Variants in C4orf50 observed in about 807,000 individuals in gnomAD.
C4orf50 encodes chromosome 4 open reading frame 50.
C4orf50 carries 80 observed loss-of-function variants against 77.2 expected under a neutral mutation model. That is an observed-to-expected ratio of 1.04 (90% CI 0.87 to 1.25). The LOEUF (loss-of-function observed/expected upper bound fraction) is 1.25, where lower values mean the gene tolerates loss of function less well. C4orf50 is among the 50% of genes most tolerant of loss of function. The pLI, the probability that C4orf50 is intolerant of heterozygous loss-of-function variation, is 0.00. For missense variants in C4orf50, 1,257 were observed against 1,152.9 expected, an observed-to-expected ratio of 1.09 and a Z score of -1.31; for synonymous variants, 532 against 465.3, an observed-to-expected ratio of 1.14 and a Z score of -1.84.
Position 5,934,149 on chromosome 4 carries a change from G to C in C4orf50, c.*2474+22752C>G, listed in dbSNP as rs1469907044. 3.3e-5 allele frequency among the ~76,000 whole-genome samples: 5 copies of C among 152,042 alleles called. No homozygotes were observed. In the East Asian group the frequency reaches 9.7e-4, roughly 29 times the overall value. On this transcript the variant is annotated intron_variant, in intron 7 of 7. Transcript: ENST00000324058. ...TGCACCTCGGTCTCCTCATCTGTAA[G>C]AAGGGGTGAGCAGCTCACTGGATGG...
At chr4:5,964,351 G>A (rs1719433552) in intron 33 of C4orf50, among the ~76,000 whole-genome samples, 1 of 152,124 alleles carries the variant, frequency 6.6e-6, no homozygotes, top group Non-Finnish European at 1.5e-5. Context: ...TGTCGACTCA[G>A]CCTTGATGTG....
rs1719143636 is a variant in C4orf50 at position 5,959,390 on chromosome 4, CA to C, written c.4511del (p.Leu1504ArgfsTer3). The C allele has an allele frequency of 1.2e-6, 2 of 1,613,948 alleles. No individual in the cohort carries two copies. Among genetic ancestry groups the C allele is most frequent in the Non-Finnish European group, 8.5e-7 (1 of 1,179,850 alleles). On this transcript the variant is annotated frameshift_variant, in exon 34 of 34. Coordinates refer to ENST00000531445, the Ensembl canonical transcript of C4orf50. LOFTEE classifies it high-confidence loss of function. ...AGTGGCCCTATTACATTTCTAACTC[CA>C]GCGGTGATTTATGGACCTGGGAATT...
intron 25 of C4orf50, among the ~76,000 whole-genome samples, chr4:6,003,450 G>C (rs1241841323): frequency 6.7e-6 from 1 of 149,678 alleles, no homozygotes. Context: ...ATAGTGATGA[G>C]GGTGGTAATG....
intron 33 of C4orf50, among the ~76,000 whole-genome samples, chr4:5,960,669 C>T (rs912698450): frequency 1.3e-5 from 2 of 152,138 alleles, no homozygotes; most frequent in Non-Finnish European, 2.9e-5. Context: ...AAGAGAGACC[C>T]ACACAGGTGC....
intron 7 of C4orf50, among the ~76,000 whole-genome samples, chr4:5,934,836 G>A (rs537058619): frequency 6.6e-6 from 1 of 152,332 alleles, no homozygotes; most frequent in East Asian, 1.9e-4. Flanking sequence ...ACCAGGCAAA[G>A]TGTCTTTCTA....
At chr4:5,951,102 A>G (rs6822922) in intron 7 of C4orf50, among the ~76,000 whole-genome samples, 56,239 of 152,034 alleles carry the variant, frequency 0.37, 11,056 homozygotes, top group African/African-American at 0.47. Context: ...ATGGCTGGCT[A>G]TCTTCTGGAC....
chr4:5,946,594 T>G (rs962734328), intron 7 of C4orf50, among the ~76,000 whole-genome samples: 3 of 152,218 alleles, frequency 2.0e-5, no homozygotes, highest in Non-Finnish European at 2.9e-5. Flanking sequence ...CTCCCTTATT[T>G]GGGAATGTTA....
rs1167540965 is a variant in C4orf50, at chr4:5,900,597, G to C, written c.*2475-2409C>G. ...ACCCAGTAGAAAACTAATTGCATCA[G>C]ACCAAGACCTAAAATTCTGAATCAG... On this transcript the variant is annotated intron_variant, in intron 7 of 7. Transcript: ENST00000324058. This position sits in a 1 kb window ranked among gnomAD's most constrained non-coding sequence, Gnocchi z 4.3. 6.6e-6 allele frequency: 1 copy of C among 152,222 alleles called. No individual in the cohort carries two copies. The highest frequency in any genetic ancestry group is 1.5e-5 in the Non-Finnish European group (1 of 68,046). The allele number at this position is 152,222 out of a possible 1,614,324, so 9.4% of individuals were successfully genotyped here.
chr4:5,936,661 C>CTG (rs36065177), intron 7 of C4orf50, among the ~76,000 whole-genome samples: 117,307 of 150,992 alleles, frequency 0.78, 47,062 homozygotes, highest in African/African-American at 0.92. Context: ...CAGTCTAAAA[C>CTG]TTAACATGAG....
chr4:5,954,124 C>G (rs796698491), downstream of C4orf50, among the ~76,000 whole-genome samples: 5 of 152,348 alleles, frequency 3.3e-5, no homozygotes, highest in African/African-American at 1.2e-4. The surrounding 1 kb of genome is among the most constrained non-coding windows in gnomAD (Gnocchi z 4.7). Context: ...GCTCCCAGGA[C>G]AGCAGCAGCA....
At chr4:5,994,073 C>A (rs1365092895) in intron 26 of C4orf50, among the ~76,000 whole-genome samples, 1 of 152,150 alleles carries the variant, frequency 6.6e-6, no homozygotes, top group Non-Finnish European at 1.5e-5. Context: ...GGCCCCCTGG[C>A]TGGCACCCTC....
chr4:5,970,054 C>T lies in C4orf50; in HGVS notation c.4105-2592G>A, dbSNP rs949076924. Reference sequence around the variant, plus strand: ...GCCTCTGCCTCCAAGGTCTCAGGGACGGGGAAAGGGGACGATGTAACTGAA... The same window carrying T: ...GCCTCTGCCTCCAAGGTCTCAGGGATGGGGAAAGGGGACGATGTAACTGAA... On this transcript the variant is annotated intron_variant, in intron 31 of 33. Coordinates refer to ENST00000531445, the Ensembl canonical transcript of C4orf50. The surrounding 1 kb of genome is among the most constrained non-coding windows in gnomAD (Gnocchi z 4.3). Among the ~76,000 whole-genome samples the T allele has an allele frequency of 5.0e-4, 75 of 151,258 alleles. No homozygotes were observed. Among genetic ancestry groups the T allele is most frequent in the African/African-American group, 1.3e-3 (54 of 41,130 alleles).
chr4:5,994,804 G>T (rs1458484104), intron 25 of C4orf50, among the ~76,000 whole-genome samples: 1 of 152,208 alleles, frequency 6.6e-6, no homozygotes, highest in Non-Finnish European at 1.5e-5. Flanking sequence ...GACTGGTACA[G>T]TCCGTGGCCT....
chr4:5,906,082 G>T (rs1716539559), intron 7 of C4orf50, among the ~76,000 whole-genome samples: 2 of 152,132 alleles, frequency 1.3e-5, no homozygotes, highest in Non-Finnish European at 2.9e-5. Context: ...GTCAGAGGAG[G>T]AGCCTTCAGC....
chr4:5,987,506 A>G (rs985654036), intron 28 of C4orf50, among the ~76,000 whole-genome samples: 1 of 151,882 alleles, frequency 6.6e-6, no homozygotes, highest in African/African-American at 2.4e-5. Flanking sequence ...ATAAAAGTAA[A>G]AACAGATTCT....
At position 6,008,241 on chromosome 4, in the gene C4orf50, G is replaced by A. The variant is rs1722332345; in HGVS notation, c.718C>T (p.Leu240=). The stretch of plus-strand genomic sequence containing the variant: ...TCTGCCCTCGCCTGCAGGGCGCGCA[G>A]TTCCGCAGCCGCCTCGGTGGCGCCC... The change falls in exon 25 of 34, where the codon CTG becomes TTG. Residue 240 remains leucine, a synonymous_variant. Transcript: ENST00000531445. The surrounding 1 kb of genome is among the most constrained non-coding windows in gnomAD (Gnocchi z 6.0). 2.5e-6 allele frequency: 1 copy of A among 395,776 alleles called. No individual in the cohort carries two copies. The highest frequency in any genetic ancestry group is 3.6e-5 in the East Asian group (1 of 27,894). The allele number at this position is 395,776 out of a possible 1,614,324, so 24.5% of individuals were successfully genotyped here.
intron 32 of C4orf50, 57 bp from the exon 11 acceptor site, chr4:5,965,202 C>A: frequency 1.9e-6 from 3 of 1,569,348 alleles, no homozygotes; most frequent in South Asian, 1.2e-5. Context: ...GAAAAGTCTA[C>A]AAGTGTCTGA....
intron 7 of C4orf50, among the ~76,000 whole-genome samples, chr4:5,927,547 C>T (rs1335184953): frequency 1.3e-5 from 2 of 151,868 alleles, no homozygotes; most frequent in African/African-American, 2.4e-5. Context: ...GGGGAGGTTC[C>T]CCCATGCTGT....
chr4:5,917,704 A>G (rs1025009808), intron 7 of C4orf50, among the ~76,000 whole-genome samples: 2 of 152,000 alleles, frequency 1.3e-5, no homozygotes, highest in African/African-American at 2.4e-5. Flanking sequence ...TGCCTGGCCA[A>G]TTTCTGTATT....
Sources: allele counts gnomAD v4.1 joint callset (sites outside exome capture counted in the v4.1 genomes callset), GRCh38; gene constraint gnomAD v4.1.1; non-coding constraint Gnocchi (gnomAD v3.1); transcripts MANE v1.5; gene names NCBI Gene and HGNC (gene_info 2026-07-23, HGNC 2026-07-21).